Variants in MTA3 observed in about 807,000 individuals in gnomAD.
MTA3 encodes metastasis-associated protein MTA3.
MTA3 carries 34 observed loss-of-function variants against 83.5 expected under a neutral mutation model. The observed-to-expected ratio is 0.41, with a 90% CI of 0.31 to 0.54. The LOEUF (loss-of-function observed/expected upper bound fraction) is 0.54, where lower values mean the gene tolerates loss of function less well. Ranked by LOEUF, MTA3 falls within the 20% of genes least tolerant of loss-of-function variation. The pLI is 0.33. For missense variants in MTA3, 761 were observed against 726.4 expected, an observed-to-expected ratio of 1.05 and a Z score of -0.55; for synonymous variants, 303 against 252.7, an observed-to-expected ratio of 1.20 and a Z score of -1.89.
chr2:42,529,632 C>G lies in MTA3; in HGVS notation c.-141+34378C>G, dbSNP rs189895196. Among the ~76,000 whole-genome samples, 401 of 152,314 alleles carry G rather than the reference C, an allele frequency of 2.6e-3. 1 individual carries two copies. Among genetic ancestry groups the G allele is most frequent in the African/African-American group, 9.4e-3 (390 of 41,576 alleles). On this transcript the variant is annotated intron_variant, in intron 2 of 17. Coordinates refer to the MTA3 transcript ENST00000405592. The stretch of plus-strand genomic sequence containing the variant: ...TGTTTTCTGTTTCCTTTGCAAGGCC[C>G]TAACTCTTGGCATTTGGGTAGCAGC...
chr2:42,729,086 GTTTTTTTTTTTTTTT>G (rs1216600680), intron 16 of MTA3, among the ~76,000 whole-genome samples: 6 of 60,142 alleles, frequency 1.0e-4, no homozygotes, highest in African/African-American at 3.1e-4. Flanking sequence ...CACAGTTTGA[GTTTTTTTTTTTTTTT>G]TTTTTTTTTT....
chr2:42,509,095 T>G (rs546948433), intron 2 of MTA3, among the ~76,000 whole-genome samples: 29 of 152,004 alleles, frequency 1.9e-4, no homozygotes, highest in African/African-American at 6.5e-4. Context: ...CAGGCTGGAG[T>G]GCAGTGGCGT....
chr2:42,500,649 C>G (rs1274950486), intron 2 of MTA3, among the ~76,000 whole-genome samples: 1 of 152,050 alleles, frequency 6.6e-6, no homozygotes, highest in East Asian at 1.9e-4. Flanking sequence ...CCTCTACCTT[C>G]CTAGGTTCTT....
At chr2:42,614,189 C>G (rs1306770455) in intron 4 of MTA3, 2 of 152,028 alleles carry the variant, frequency 1.3e-5, no homozygotes, top group African/African-American at 2.4e-5. Context: ...CCTCTGCTTC[C>G]CGGTGGTAGG....
intron 8 of MTA3, among the ~76,000 whole-genome samples, chr2:42,680,556 A>G (rs1294195816): frequency 6.6e-6 from 1 of 152,226 alleles, no homozygotes; most frequent in Non-Finnish European, 1.5e-5. Flanking sequence ...ACTAGTTCTC[A>G]CTTGGGCAAG....
intron 4 of MTA3, among the ~76,000 whole-genome samples, chr2:42,639,628 G>C (rs1687523268): frequency 6.6e-6 from 1 of 152,122 alleles, no homozygotes; most frequent in Non-Finnish European, 1.5e-5. Context: ...AAGGCTCCTT[G>C]TGTTTAAATT....
intron 16 of MTA3, among the ~76,000 whole-genome samples, chr2:42,750,949 G>A (rs1312520799): frequency 2.0e-5 from 3 of 152,184 alleles, no homozygotes. Context: ...GAGGTACCTG[G>A]TGTCATTTCA....
At chr2:42,505,770 ATT>A (rs370638507) in intron 2 of MTA3, among the ~76,000 whole-genome samples, 2 of 139,080 alleles carry the variant, frequency 1.4e-5, no homozygotes, top group Non-Finnish European at 1.5e-5. Context: ...CAAATTGATA[ATT>A]TTTTTTTTTT....
intron 8 of MTA3, among the ~76,000 whole-genome samples, chr2:42,677,371 C>A (rs1573584171): frequency 1.3e-5 from 2 of 151,942 alleles, no homozygotes; most frequent in East Asian, 3.9e-4. Flanking sequence ...GAGATGGAGT[C>A]TCGCTCTGTC....
intron 2 of MTA3, among the ~76,000 whole-genome samples, chr2:42,574,037 C>A (rs916456659): frequency 2.7e-5 from 4 of 150,692 alleles, no homozygotes; most frequent in African/African-American, 9.8e-5. Flanking sequence ...GGGGTTTCAC[C>A]GTGTTAGCCA....
chr2:42,532,679 T>G, intron 2 of MTA3: 1 of 163,658 alleles, frequency 6.1e-6, no homozygotes, highest in Non-Finnish European at 1.3e-5. Flanking sequence ...AAATATTTCT[T>G]TGGGGGAGAG....
chr2:42,673,760 G>T (rs1017697275), intron 8 of MTA3, among the ~76,000 whole-genome samples: 1 of 152,178 alleles, frequency 6.6e-6, no homozygotes, highest in Non-Finnish European at 1.5e-5. Flanking sequence ...GAAAAGCTGG[G>T]CCTTTACAGC....
intron 2 of MTA3, among the ~76,000 whole-genome samples, chr2:42,573,855 G>T (rs1341115378): frequency 6.6e-6 from 1 of 151,236 alleles, no homozygotes; most frequent in Admixed American, 6.6e-5. Flanking sequence ...GTCTCGCTCC[G>T]TCGACCAGGC....
intron 9 of MTA3, among the ~76,000 whole-genome samples, chr2:42,688,408 C>G (rs1467096507): frequency 6.6e-6 from 1 of 152,100 alleles, no homozygotes; most frequent in African/African-American, 2.4e-5. Flanking sequence ...TTTAAAAAAG[C>G]CATTATAATA....
At chr2:42,579,544 A>G (rs570565966) in intron 3 of MTA3, among the ~76,000 whole-genome samples, 4 of 151,490 alleles carry the variant, frequency 2.6e-5, no homozygotes, top group South Asian at 2.1e-4. Flanking sequence ...CTCCTGCCTC[A>G]TCCTTGCAAA....
intron 2 of MTA3, among the ~76,000 whole-genome samples, chr2:42,548,318 T>C (rs1254121630): frequency 1.3e-5 from 2 of 151,730 alleles, no homozygotes; most frequent in South Asian, 2.1e-4. Flanking sequence ...TACAAAAAAT[T>C]AGCGGAGCTT....
intron 16 of MTA3, among the ~76,000 whole-genome samples, chr2:42,742,142 C>CTT (rs779331968): frequency 1.4e-5 from 2 of 141,156 alleles, no homozygotes; most frequent in Admixed American, 7.0e-5. Context: ...TTCTTTCTTT[C>CTT]TTTTTTTTTT....
chr2:42,647,899 C>T (rs1486833417), intron 6 of MTA3, among the ~76,000 whole-genome samples: 1 of 152,096 alleles, frequency 6.6e-6, no homozygotes. Flanking sequence ...AGTGCGGTGG[C>T]GTGATCTCGG....
In MTA3 at chr2:42,551,737, G is replaced by A. The variant is rs374215391; in HGVS notation, c.-140-18700G>A. ...TGGGAAGGGAAGACTGCACTGAGGAGGTAATTTTTTTTTTCTTTTTGAGAT... is the reference window on the plus strand; with the variant it reads ...TGGGAAGGGAAGACTGCACTGAGGAAGTAATTTTTTTTTTCTTTTTGAGAT... On this transcript the variant is annotated intron_variant, in intron 2 of 17. Coordinates refer to the MTA3 transcript ENST00000405592. Among the ~76,000 whole-genome samples the A allele has an allele frequency of 2.2e-4, 34 of 151,876 alleles. No individual in the cohort carries two copies. The East Asian group carries it at 3.1e-3, about 14-fold the overall frequency.
Sources: gnomAD v4.1 joint callset for allele counts (sites outside exome capture counted in the v4.1 genomes callset) on GRCh38, gnomAD v4.1.1 for gene constraint, MANE v1.5 for transcripts, NCBI Gene and HGNC (gene_info 2026-07-23, HGNC 2026-07-21) for gene names.